Variants in TRPC7 observed in about 807,000 individuals in gnomAD.
TRPC7 encodes transient receptor potential cation channel subfamily C member 7.
TRPC7 carries 42 observed loss-of-function variants against 90.1 expected under a neutral mutation model. The ratio of observed to expected loss-of-function variants is 0.47; its 90% CI spans 0.36 to 0.60. The LOEUF is 0.60. Among genes scored for constraint, TRPC7 ranks in the 20% least tolerant of loss-of-function variants. The pLI, the probability that TRPC7 is intolerant of heterozygous loss-of-function variation, is 0.00. For synonymous variants in TRPC7, 451 were observed against 436.3 expected (o/e 1.03, Z -0.42); for missense variants, 955 against 1,112.3 (o/e 0.86, Z 2.01).
chr5:136,280,629 T>G (rs1757519245), intron 3 of TRPC7, among the ~76,000 whole-genome samples: 1 of 152,214 alleles, frequency 6.6e-6, no homozygotes, highest in Admixed American at 6.5e-5. Flanking sequence ...AACCAGGTAC[T>G]CATCTTCTTG....
chr5:136,236,601 A>G (rs866370279), intron 7 of TRPC7, among the ~76,000 whole-genome samples: 6 of 152,074 alleles, frequency 3.9e-5, no homozygotes, highest in African/African-American at 2.4e-5. Flanking sequence ...CTGGGAGGGA[A>G]TGTGGGTGTG....
At chr5:136,307,425 T>A (rs1381031019) in intron 3 of TRPC7, among the ~76,000 whole-genome samples, 1 of 152,218 alleles carries the variant, frequency 6.6e-6, no homozygotes, top group South Asian at 2.1e-4. Context: ...TGGTGCTTTT[T>A]TTGGTTTGTT....
chr5:136,258,788 C>T (rs1756764894), intron 5 of TRPC7, among the ~76,000 whole-genome samples: 1 of 152,200 alleles, frequency 6.6e-6, no homozygotes, highest in Admixed American at 6.5e-5. Context: ...TATGTACATT[C>T]TTTAAATGGT....
chr5:136,266,134 G>T, intron 5 of TRPC7, 86 bp downstream of exon 5: 2 of 1,236,800 alleles, frequency 1.6e-6, no homozygotes, highest in Non-Finnish European at 2.4e-6. Flanking sequence ...ACACTGAAGA[G>T]GAGAGGGAGA....
intron 1 of TRPC7, among the ~76,000 whole-genome samples, chr5:136,360,837 AC>A (rs1760547254): frequency 6.6e-6 from 1 of 152,084 alleles, no homozygotes. Context: ...AGGCCTTTTA[AC>A]CTCACTGTGG....
rs370141987 is a variant in TRPC7, at chr5:136,230,178, A to T, written c.2040+1176T>A. Among the ~76,000 whole-genome samples, 13 of 152,298 alleles carry T rather than the reference A, an allele frequency of 8.5e-5. No individual in the cohort carries two copies. The South Asian group carries it at 2.7e-3, about 32-fold the overall frequency. On this transcript the variant is annotated intron_variant, in intron 8 of 11. Transcript: ENST00000513104. ...GAACATCTACGTAAAATGATATTGG[A>T]TCTATTCCCAGAATTGGAATTGTTG...
At chr5:136,313,832 C>T (rs1437188728) in intron 3 of TRPC7, among the ~76,000 whole-genome samples, 1 of 152,192 alleles carries the variant, frequency 6.6e-6, no homozygotes, top group Non-Finnish European at 1.5e-5. Flanking sequence ...CCAATCATTT[C>T]CCTCATGAAA....
chr5:136,347,412 C>G (rs1363099703), intron 2 of TRPC7, among the ~76,000 whole-genome samples: 1 of 152,144 alleles, frequency 6.6e-6, no homozygotes, highest in East Asian at 1.9e-4. Flanking sequence ...AGGTCTACTC[C>G]ATATCTTTAT....
intron 7 of TRPC7, among the ~76,000 whole-genome samples, chr5:136,237,213 T>C (rs1403551761): frequency 1.3e-5 from 2 of 152,146 alleles, no homozygotes; most frequent in Admixed American, 6.5e-5. Context: ...GAGTTCTACC[T>C]TGGGTCCTCA....
chr5:136,357,940 G>A (rs1580994781), intron 1 of TRPC7, among the ~76,000 whole-genome samples: 2 of 152,302 alleles, frequency 1.3e-5, no homozygotes, highest in African/African-American at 2.4e-5. Flanking sequence ...GTGCCATAGA[G>A]TTGGCCATCA....
chr5:136,246,020 G>T (rs568843337), intron 7 of TRPC7, among the ~76,000 whole-genome samples: 2 of 152,114 alleles, frequency 1.3e-5, no homozygotes. Flanking sequence ...ATCCTGCCCC[G>T]TGCCCATCCC....
chr5:136,231,296 A>G, intron 8 of TRPC7, 58 bp downstream of exon 8: 10 of 1,448,696 alleles, frequency 6.9e-6, no homozygotes, highest in Non-Finnish European at 9.3e-6. Flanking sequence ...CTCATTGCTG[A>G]AAAAAGCAAT....
intron 5 of TRPC7, among the ~76,000 whole-genome samples, chr5:136,265,642 G>T (rs1038962779): frequency 1.8e-4 from 27 of 152,062 alleles, no homozygotes; most frequent in African/African-American, 6.3e-4. Flanking sequence ...TGAGGAAATT[G>T]GGAACAATTT....
At chr5:136,306,880 C>T (rs571986762) in intron 3 of TRPC7, among the ~76,000 whole-genome samples, 115 of 152,318 alleles carry the variant, frequency 7.5e-4, no homozygotes, top group African/African-American at 2.7e-3. Flanking sequence ...CCGCCTATCC[C>T]AAAACCTATA....
chr5:136,236,949 A>C (rs1755999756), intron 7 of TRPC7, among the ~76,000 whole-genome samples: 1 of 152,224 alleles, frequency 6.6e-6, no homozygotes, highest in Non-Finnish European at 1.5e-5. Context: ...CTGTTTCCCA[A>C]GCTCAGCGGA....
chr5:136,285,538 A>G (rs1757686021), intron 3 of TRPC7, among the ~76,000 whole-genome samples: 1 of 152,218 alleles, frequency 6.6e-6, no homozygotes, highest in South Asian at 2.1e-4. Context: ...AATTTAATAT[A>G]CAAAGCCATC....
chr5:136,336,057 C>A (rs1268559569), intron 2 of TRPC7, among the ~76,000 whole-genome samples: 6 of 152,136 alleles, frequency 3.9e-5, no homozygotes, highest in Non-Finnish European at 7.4e-5. Context: ...AGCCCGGTCA[C>A]ACCTCTGCAC....
chr5:136,354,228 C>T (rs1344270786), intron 2 of TRPC7, among the ~76,000 whole-genome samples: 2 of 152,058 alleles, frequency 1.3e-5, no homozygotes, highest in African/African-American at 2.4e-5. Context: ...CATCCTTGAC[C>T]TTAATGTTGG....
In TRPC7 at chr5:136,356,744, G is replaced by T. The variant is rs752775491; in HGVS notation, c.644C>A (p.Ser215Ter). Residue 215 changes from serine (S) to a stop codon, truncating the protein, a stop_gained, in exon 2 of 12, where the codon TCG becomes TAG. Coordinates refer to ENST00000513104, the MANE Select transcript of TRPC7 (RefSeq NM_020389.3). LOFTEE classifies it high-confidence loss of function. ...TTTGTAGGCGTTCATGCGCGAGCGC[G>T]AGTGGCTGAAGGAGTCTTTCCGCTG... ...EKQRKDSFSH[S>*]RSRMNAYKGL... The T allele has an allele frequency of 6.2e-7, 1 of 1,612,656 alleles. No homozygotes were observed. The highest frequency in any genetic ancestry group is 8.5e-7 in the Non-Finnish European group (1 of 1,179,076).
Sources: gnomAD v4.1 joint callset for allele counts (sites outside exome capture counted in the v4.1 genomes callset) on GRCh38, gnomAD v4.1.1 for gene constraint, MANE v1.5 for transcripts, NCBI Gene and HGNC (gene_info 2026-07-23, HGNC 2026-07-21) for gene names.